CNTN5: variants seen among roughly 807,000 people sequenced by gnomAD.
CNTN5 encodes the protein contactin 5.
Under a neutral mutation model 129.1 loss-of-function variants are expected in CNTN5, and 77 were observed. That is an observed-to-expected ratio of 0.60 (90% CI 0.50 to 0.72). The LOEUF (loss-of-function observed/expected upper bound fraction) is 0.72. Among genes scored for constraint, CNTN5 ranks in the 30% least tolerant of loss-of-function variants. The pLI, the probability that CNTN5 is intolerant of heterozygous loss-of-function variation, is 0.00. For missense variants in CNTN5, 1,478 were observed against 1,328.8 expected (o/e 1.11, Z -1.75); for synonymous variants, 509 against 465.6 (o/e 1.09, Z -1.20).
At chr11:99,907,380 A>G (rs1949536822) in intron 6 of CNTN5, among the ~76,000 whole-genome samples, 3 of 152,160 alleles carry the variant, frequency 2.0e-5, no homozygotes, top group African/African-American at 4.8e-5. Flanking sequence ...TTCAAACTGC[A>G]GAGCACCGTC....
intron 3 of CNTN5, among the ~76,000 whole-genome samples, chr11:99,657,907 C>T (rs544307081): frequency 1.3e-5 from 2 of 152,094 alleles, no homozygotes; most frequent in Non-Finnish European, 2.9e-5. Context: ...AGCACTAACC[C>T]TGTAAATTGG....
chr11:100,210,064 C>T (rs1261363014), intron 15 of CNTN5, among the ~76,000 whole-genome samples: 2 of 150,916 alleles, frequency 1.3e-5, no homozygotes, highest in African/African-American at 4.9e-5. Context: ...AGCCTGCACA[C>T]ATGGTTCAAG....
At chr11:99,696,058 T>A (rs1193214872) in intron 3 of CNTN5, among the ~76,000 whole-genome samples, 2 of 152,140 alleles carry the variant, frequency 1.3e-5, no homozygotes, top group Non-Finnish European at 2.9e-5. Context: ...AACATAGTTT[T>A]CTCACTACCT....
chr11:100,078,953 C>G (rs1591194527), intron 13 of CNTN5, among the ~76,000 whole-genome samples: 2 of 151,932 alleles, frequency 1.3e-5, no homozygotes, highest in East Asian at 3.9e-4. Flanking sequence ...CTGGGGAGGC[C>G]TCAGGAAACG....
At chr11:99,410,275 C>A (rs1942332172) in intron 2 of CNTN5, among the ~76,000 whole-genome samples, 1 of 152,130 alleles carries the variant, frequency 6.6e-6, no homozygotes, top group Admixed American at 6.6e-5. Context: ...TTTTCTTTAT[C>A]TCAATTTATA....
rs990681437 is a variant in CNTN5, at chr11:99,280,232, T to G, written c.-209-45114T>G. On this transcript the variant is annotated intron_variant, in intron 1 of 24. Transcript: ENST00000524871. Reference sequence around the variant, plus strand: ...GGGGCTTAAATTGGGATGAAGAAGATGTACCCTCCAAAACAAAGGAATAAA... The same window carrying G: ...GGGGCTTAAATTGGGATGAAGAAGAGGTACCCTCCAAAACAAAGGAATAAA... Among the ~76,000 whole-genome samples, 4 of 151,766 alleles carry G rather than the reference T, an allele frequency of 2.6e-5. No homozygotes were observed. The East Asian group carries it at 7.8e-4, about 30-fold the overall frequency.
intron 20 of CNTN5, among the ~76,000 whole-genome samples, chr11:100,306,540 G>T (rs1190824864): frequency 1.3e-5 from 2 of 151,678 alleles, no homozygotes; most frequent in Non-Finnish European, 3.0e-5. Context: ...AAGTAAAACT[G>T]CTACGGAATA....
chr11:100,103,408 T>TACTA (rs1303664712), intron 13 of CNTN5, among the ~76,000 whole-genome samples: 2 of 152,296 alleles, frequency 1.3e-5, no homozygotes, highest in African/African-American at 2.4e-5. Context: ...GCGCATCATG[T>TACTA]ACTAATGTTG....
intron 1 of CNTN5, among the ~76,000 whole-genome samples, chr11:99,135,741 T>G (rs899855875): frequency 1.3e-5 from 2 of 152,176 alleles, no homozygotes; most frequent in Non-Finnish European, 2.9e-5. Context: ...TACTAAATAC[T>G]TACATGTTTA....
chr11:99,390,590 A>G (rs1230731750), intron 2 of CNTN5, among the ~76,000 whole-genome samples: 3 of 152,138 alleles, frequency 2.0e-5, no homozygotes, highest in African/African-American at 7.2e-5. Context: ...ATTTTTATCC[A>G]TTTGCGTACA....
intron 7 of CNTN5, among the ~76,000 whole-genome samples, chr11:99,943,104 T>A (rs1565703479): frequency 2.6e-5 from 4 of 152,176 alleles, no homozygotes; most frequent in Admixed American, 1.3e-4. Flanking sequence ...GCTTGAGGAA[T>A]CATCACACTG....
At chr11:99,043,878 A>G (rs942579579) in intron 1 of CNTN5, among the ~76,000 whole-genome samples, 3 of 152,172 alleles carry the variant, frequency 2.0e-5, no homozygotes, top group Non-Finnish European at 4.4e-5. Flanking sequence ...TCTGTAATAT[A>G]CTATTTCATG....
chr11:99,489,747 A>G (rs1239434270), intron 2 of CNTN5, among the ~76,000 whole-genome samples: 1 of 152,162 alleles, frequency 6.6e-6, no homozygotes, highest in African/African-American at 2.4e-5. Flanking sequence ...AGAATTCAGG[A>G]AAGTACAGAT....
chr11:99,932,548 A>T (rs570901800), intron 7 of CNTN5, among the ~76,000 whole-genome samples: 1 of 152,154 alleles, frequency 6.6e-6, no homozygotes, highest in Non-Finnish European at 1.5e-5. Context: ...ATATGTATAC[A>T]TATTTCTTGG....
At chr11:99,345,073 A>G (rs189179274) in intron 2 of CNTN5, among the ~76,000 whole-genome samples, 99 of 152,106 alleles carry the variant, frequency 6.5e-4, no homozygotes, top group Admixed American at 4.6e-3. Flanking sequence ...TATTTGAATT[A>G]CTCCCACTTG....
At chr11:99,803,211 CT>C (rs1946167040) in intron 3 of CNTN5, among the ~76,000 whole-genome samples, 1 of 152,170 alleles carries the variant, frequency 6.6e-6, no homozygotes, top group Non-Finnish European at 1.5e-5. Context: ...AGAGAGGGCC[CT>C]GCTGCACCAC....
intron 2 of CNTN5, among the ~76,000 whole-genome samples, chr11:99,440,858 G>T (rs1943799765): frequency 6.6e-6 from 1 of 152,126 alleles, no homozygotes; most frequent in Non-Finnish European, 1.5e-5. Context: ...GGGAAGCTGG[G>T]ATACGTAATT....
intron 4 of CNTN5, among the ~76,000 whole-genome samples, chr11:99,824,654 AC>A (rs1565574141): frequency 6.6e-6 from 1 of 151,826 alleles, no homozygotes; most frequent in African/African-American, 2.4e-5. Context: ...CCTAAAAAAA[AC>A]CCTTTTTACC....
chr11:99,901,568 C>CA (rs2135951092), intron 6 of CNTN5, among the ~76,000 whole-genome samples: 1 of 152,260 alleles, frequency 6.6e-6, no homozygotes, highest in South Asian at 2.1e-4. Flanking sequence ...GCTGTGATTA[C>CA]AGGCACGAGC....
Sources: allele counts gnomAD v4.1 joint callset (sites outside exome capture counted in the v4.1 genomes callset), GRCh38; gene constraint gnomAD v4.1.1; transcripts MANE v1.5; gene names NCBI Gene and HGNC (gene_info 2026-07-23, HGNC 2026-07-21).